The following KPNA4 variants were observed in gnomAD, a reference collection of about 807,000 sequenced individuals.
The protein encoded by KPNA4 is karyopherin subunit alpha 4, also known as importin subunit alpha-3.
Under a neutral mutation model 71.3 loss-of-function variants are expected in KPNA4, and 13 were observed. That is an observed-to-expected ratio of 0.18 (90% confidence interval 0.12 to 0.29). The LOEUF is 0.29. Ranked by LOEUF, KPNA4 falls within the 10% of genes least tolerant of loss-of-function variation. The pLI is 1.00. For missense variants in KPNA4, 334 were observed against 603.2 expected (o/e 0.55, Z 4.67); for synonymous variants, 189 against 195.2 (o/e 0.97, Z 0.26).
intron 1 of KPNA4, among the ~76,000 whole-genome samples, chr3:160,554,348 C>T (rs1268197986): frequency 2.0e-5 from 3 of 152,186 alleles, no homozygotes; most frequent in African/African-American, 4.8e-5. Context: ...CAGCCCCATA[C>T]CCACTAGCAA....
intron 1 of KPNA4, among the ~76,000 whole-genome samples, chr3:160,538,229 A>G (rs1042392810): frequency 2.0e-5 from 3 of 151,330 alleles, no homozygotes; most frequent in South Asian, 2.1e-4. Context: ...ACATAAATGT[A>G]AAAAAAAGAG....
At position 160,523,606 on chromosome 3, in the gene KPNA4, T is replaced by C. The variant is rs569681260; in HGVS notation, c.772-1696A>G. Among the ~76,000 whole-genome samples, 3 of 152,196 alleles carry C rather than the reference T, an allele frequency of 2.0e-5. 1 individual carries two copies. The South Asian group carries it at 6.2e-4, about 32-fold the overall frequency. ...GGCTCACGCCTGCAATCCCAGCACT[T>C]TGGGGGGCCAAGGTGGGTGGATCAC... is the stretch of plus-strand genomic sequence containing the variant. On this transcript the variant is annotated intron_variant, in intron 10 of 16. Transcript: ENST00000334256.
chr3:160,532,197 C>T (rs1456305462), intron 5 of KPNA4, among the ~76,000 whole-genome samples: 1 of 152,150 alleles, frequency 6.6e-6, no homozygotes, highest in East Asian at 1.9e-4. Flanking sequence ...TACTTTTGGA[C>T]ATAATTTTGA....
At chr3:160,556,074 C>T (rs4434183) in intron 1 of KPNA4, among the ~76,000 whole-genome samples, 21,821 of 152,200 alleles carry the variant, frequency 0.14, 2,112 homozygotes, top group Non-Finnish European at 0.21. Flanking sequence ...TCAGGTGATC[C>T]GGCCCGCCTT....
In KPNA4 at chr3:160,565,335, C is replaced by G; in HGVS notation, c.-53G>C. 4 of 1,459,584 alleles carry G rather than the reference C, an allele frequency of 2.7e-6. No individual in the cohort carries two copies. The highest frequency in any genetic ancestry group is 2.5e-5 in the East Asian group (1 of 40,266). The allele number at this position is 1,459,584 out of a possible 1,614,324, so 90.4% of individuals were successfully genotyped here. A position where few individuals can be genotyped will look rare whatever the true frequency, so the allele number is the denominator to read the frequency against. On this transcript the variant is annotated 5_prime_UTR_variant, in exon 1 of 17. Coordinates refer to ENST00000334256, the MANE Select transcript of KPNA4 (RefSeq NM_002268.5). ...CCGGGCCCCGCGGGATCCGCCCCAA[C>G]CAACGCGCCGCACCGACACTCCCAG...
At chr3:160,548,458 T>C (rs2108558485) in intron 1 of KPNA4, among the ~76,000 whole-genome samples, 1 of 152,140 alleles carries the variant, frequency 6.6e-6, no homozygotes, top group South Asian at 2.1e-4. Context: ...CAACTCCCTA[T>C]CTCCTTCCCT....
In KPNA4 at chr3:160,561,071, C is replaced by G. The variant is rs557228915; in HGVS notation, c.69+4143G>C. On this transcript the variant is annotated intron_variant, in intron 1 of 16. Transcript: ENST00000334256. ...CAACCAAGCACCTTTTTTTAAAGTTCAAGCTGACTTCATATTTTATGTTTG... is the reference window on the plus strand; with the variant it reads ...CAACCAAGCACCTTTTTTTAAAGTTGAAGCTGACTTCATATTTTATGTTTG... Among the ~76,000 whole-genome samples the G allele has an allele frequency of 1.3e-3, 197 of 152,054 alleles. 1 individual carries two copies. The highest frequency in any genetic ancestry group is 4.6e-3 in the African/African-American group (189 of 41,530).
In KPNA4 at chr3:160,565,500, C is replaced by G. The variant is rs1412211032; in HGVS notation, c.-218G>C. 7.2e-6 allele frequency: 4 copies of G among 552,420 alleles called. No individual in the cohort carries two copies. The highest frequency in any genetic ancestry group is 1.3e-5 in the Non-Finnish European group (4 of 314,696). The allele number at this position is 552,420 out of a possible 1,614,324, so 34.2% of individuals were successfully genotyped here. A position where few individuals can be genotyped will look rare whatever the true frequency, so the allele number is the denominator to read the frequency against. On this transcript the variant is annotated 5_prime_UTR_variant, in exon 1 of 17. Transcript: ENST00000334256. Reference sequence around the variant, plus strand: ...AGCGCGACTGCAGCTCCGGCAAAGACAACTGTGGGGCCGGGCGGCGGCAAG... The same window carrying G: ...AGCGCGACTGCAGCTCCGGCAAAGAGAACTGTGGGGCCGGGCGGCGGCAAG...
At chr3:160,523,023 G>C (rs1446490732) in intron 10 of KPNA4, among the ~76,000 whole-genome samples, 1 of 152,080 alleles carries the variant, frequency 6.6e-6, no homozygotes, top group African/African-American at 2.4e-5. Flanking sequence ...TATGACCAAA[G>C]GGCAGTATGA....
At chr3:160,538,764 T>C (rs1300626692) in intron 1 of KPNA4, among the ~76,000 whole-genome samples, 1 of 152,106 alleles carries the variant, frequency 6.6e-6, no homozygotes, top group Non-Finnish European at 1.5e-5. Flanking sequence ...ACACCAACTC[T>C]GCTATTTCTC....
intron 1 of KPNA4, among the ~76,000 whole-genome samples, chr3:160,548,389 G>C (rs1005002631): frequency 6.6e-6 from 1 of 152,060 alleles, no homozygotes; most frequent in Non-Finnish European, 1.5e-5. Context: ...ATATTGTTGT[G>C]CATCAAATCT....
chr3:160,542,909 T>A (rs1390817332), intron 1 of KPNA4, among the ~76,000 whole-genome samples: 1 of 152,204 alleles, frequency 6.6e-6, no homozygotes, highest in African/African-American at 2.4e-5. Context: ...AATTTATTAG[T>A]ACATAAATAT....
At chr3:160,540,894 A>T (rs934638945) in intron 1 of KPNA4, among the ~76,000 whole-genome samples, 9 of 152,330 alleles carry the variant, frequency 5.9e-5, no homozygotes, top group African/African-American at 2.2e-4. Context: ...CAGGTATTTT[A>T]TATTTCTTTG....
At chr3:160,518,071 T>G (rs1271349157) in intron 11 of KPNA4, among the ~76,000 whole-genome samples, 1 of 152,130 alleles carries the variant, frequency 6.6e-6, no homozygotes, top group African/African-American at 2.4e-5. Flanking sequence ...TGCCTGTATT[T>G]TTCTTCTAAG....
intron 1 of KPNA4, among the ~76,000 whole-genome samples, chr3:160,549,423 G>A (rs1252045018): frequency 6.6e-6 from 1 of 152,162 alleles, no homozygotes; most frequent in African/African-American, 2.4e-5. Context: ...TTATGTTTAA[G>A]TCTTTTATCC....
chr3:160,553,072 G>A (rs1442700659), intron 1 of KPNA4, among the ~76,000 whole-genome samples: 1 of 152,182 alleles, frequency 6.6e-6, no homozygotes, highest in African/African-American at 2.4e-5. Context: ...CCACTCTGGA[G>A]ATGAGACAAT....
At chr3:160,561,062 T>A (rs1331845281) in intron 1 of KPNA4, among the ~76,000 whole-genome samples, 9 of 152,096 alleles carry the variant, frequency 5.9e-5, no homozygotes. Context: ...AGCACCTTTT[T>A]TTAAAGTTCA....
chr3:160,547,342 T>C (rs967710837), intron 1 of KPNA4, among the ~76,000 whole-genome samples: 1 of 152,204 alleles, frequency 6.6e-6, no homozygotes, highest in African/African-American at 2.4e-5. Context: ...CATGGGTGTT[T>C]TGGTGTTTCT....
At chr3:160,553,556 T>C (rs1050964822) in intron 1 of KPNA4, among the ~76,000 whole-genome samples, 1 of 152,190 alleles carries the variant, frequency 6.6e-6, no homozygotes, top group African/African-American at 2.4e-5. Flanking sequence ...TTGGATAATA[T>C]GAGAACTGGT....
Sources: gnomAD v4.1 joint callset for allele counts (sites outside exome capture counted in the v4.1 genomes callset) on GRCh38, gnomAD v4.1.1 for gene constraint, MANE v1.5 for transcripts, NCBI Gene and HGNC (gene_info 2026-07-23, HGNC 2026-07-21) for gene names.